SPOCK1: variants seen among roughly 807,000 people sequenced by gnomAD.
SPOCK1 encodes the protein SPARC (osteonectin), cwcv and kazal like domains proteoglycan 1.
SPOCK1 carries 23 observed loss-of-function variants against 55.3 expected under a neutral mutation model. The observed-to-expected ratio is 0.42, with a 90% CI of 0.30 to 0.59. The LOEUF is 0.59. SPOCK1 is among the 20% of genes least tolerant of loss of function. The pLI is 0.22. For synonymous variants in SPOCK1, 226 were observed against 221.0 expected, an observed-to-expected ratio of 1.02 and a Z score of -0.20; for missense variants, 499 against 552.5, an observed-to-expected ratio of 0.90 and a Z score of 0.97.
chr5:137,457,345 A>G (rs1281064935), intron 2 of SPOCK1, among the ~76,000 whole-genome samples: 2 of 152,214 alleles, frequency 1.3e-5, no homozygotes, highest in Non-Finnish European at 2.9e-5. Context: ...GTCTGAGCAG[A>G]ATACAATATT....
intron 3 of SPOCK1, among the ~76,000 whole-genome samples, chr5:137,221,214 C>A (rs964185931): frequency 1.3e-5 from 2 of 152,122 alleles, no homozygotes; most frequent in Non-Finnish European, 2.9e-5. Context: ...TCCAAAAATT[C>A]CATCTTTTAA....
intron 3 of SPOCK1, among the ~76,000 whole-genome samples, chr5:137,215,594 G>A (rs748625481): frequency 1.3e-5 from 2 of 152,192 alleles, no homozygotes; most frequent in Non-Finnish European, 1.5e-5. Context: ...AATTCCAAAT[G>A]TGTATGAGTT....
intron 5 of SPOCK1, among the ~76,000 whole-genome samples, chr5:137,079,028 G>A (rs143620003): frequency 5.6e-4 from 85 of 152,246 alleles, no homozygotes; most frequent in African/African-American, 1.7e-3. Flanking sequence ...TGCAGACCAC[G>A]CTTACTCCCC....
chr5:137,203,709 C>T (rs544380460), intron 3 of SPOCK1, among the ~76,000 whole-genome samples: 187 of 152,284 alleles, frequency 1.2e-3, no homozygotes, highest in African/African-American at 4.3e-3. Flanking sequence ...AAGTATCTCA[C>T]CAAGTCATCA....
At chr5:137,180,445 A>G (rs759477047) in intron 3 of SPOCK1, among the ~76,000 whole-genome samples, 17 of 152,142 alleles carry the variant, frequency 1.1e-4, no homozygotes, top group South Asian at 2.1e-4. Flanking sequence ...TTATTCCTCA[A>G]TGGCTCTGAG....
intron 2 of SPOCK1, among the ~76,000 whole-genome samples, chr5:137,311,774 AGTCT>A (rs1230236170): frequency 6.6e-6 from 1 of 152,062 alleles, no homozygotes. Context: ...CTGCCTAGTC[AGTCT>A]TTTTGTATAC....
chr5:137,009,968 TC>T (rs1165033478), intron 6 of SPOCK1, among the ~76,000 whole-genome samples: 2 of 152,118 alleles, frequency 1.3e-5, no homozygotes, highest in African/African-American at 4.8e-5. Context: ...TCTCTCAGAA[TC>T]CTCCTTCCTG....
chr5:137,067,189 C>G (rs1268299404), intron 6 of SPOCK1, among the ~76,000 whole-genome samples: 1 of 152,122 alleles, frequency 6.6e-6, no homozygotes, highest in Non-Finnish European at 1.5e-5. Flanking sequence ...CTTTCCTGGC[C>G]CTCTCAGCCA....
chr5:137,350,343 GTAAC>G (rs1449872130), intron 2 of SPOCK1, among the ~76,000 whole-genome samples: 4 of 152,196 alleles, frequency 2.6e-5, no homozygotes, highest in African/African-American at 9.7e-5. Context: ...CTATTACTGT[GTAAC>G]TAACTACCCC....
Position 136,977,846 on chromosome 5 carries a change from T to A in SPOCK1, c.*808A>T. The A allele has an allele frequency of 2.5e-6, 1 of 398,948 alleles. No homozygotes were observed. Among genetic ancestry groups the A allele is most frequent in the Non-Finnish European group, 4.4e-6 (1 of 226,052 alleles). The allele number at this position is 398,948 out of a possible 1,614,324, so 24.7% of individuals were successfully genotyped here. ...CAACTGTTAGTGCAAAAAAGGACTT[T>A]AATACAAATTTCTTATTCCAGAAAT... On this transcript the variant is annotated 3_prime_UTR_variant, in exon 11 of 11. Coordinates refer to ENST00000394945, the MANE Select transcript of SPOCK1 (RefSeq NM_004598.4).
intron 2 of SPOCK1, among the ~76,000 whole-genome samples, chr5:137,284,813 G>T (rs529470753): frequency 1.3e-5 from 2 of 152,134 alleles, no homozygotes; most frequent in Non-Finnish European, 2.9e-5. Flanking sequence ...TCAAAGAGGT[G>T]GCAAGTTCTG....
chr5:137,182,110 C>T (rs1410349328), intron 3 of SPOCK1, among the ~76,000 whole-genome samples: 3 of 152,096 alleles, frequency 2.0e-5, no homozygotes, highest in Non-Finnish European at 2.9e-5. Context: ...AGTGTGTAGG[C>T]TCAATCGTGC....
At chr5:137,335,887 G>A (rs528941367) in intron 2 of SPOCK1, among the ~76,000 whole-genome samples, 1 of 152,160 alleles carries the variant, frequency 6.6e-6, no homozygotes, top group African/African-American at 2.4e-5. Context: ...GGTGCCCATC[G>A]CCAATCTAGA....
chr5:136,998,578 G>T (rs1175107410), intron 6 of SPOCK1, among the ~76,000 whole-genome samples: 3 of 152,128 alleles, frequency 2.0e-5, no homozygotes, highest in Non-Finnish European at 4.4e-5. Context: ...AATATACTTG[G>T]TCCATACTCT....
chr5:137,082,386 G>C lies in SPOCK1; in HGVS notation c.475-14557C>G, dbSNP rs184632600. On this transcript the variant is annotated intron_variant, in intron 5 of 10. Transcript: ENST00000394945. ...GTCAGCTACTTGCAACAAGCTATTG[G>C]GATAAGATGCCACAAGCCTAACCAG... Among the ~76,000 whole-genome samples, 21 of 152,288 alleles carry C rather than the reference G, an allele frequency of 1.4e-4. No individual in the cohort carries two copies. In the East Asian group the frequency reaches 3.7e-3, roughly 27 times the overall value.
chr5:137,302,397 G>T (rs60630471), intron 2 of SPOCK1, among the ~76,000 whole-genome samples: 3 of 124,810 alleles, frequency 2.4e-5, no homozygotes, highest in Admixed American at 1.8e-4. Flanking sequence ...GTGAAACCCC[G>T]TCTCTACTAA....
At chr5:137,342,438 A>G (rs1750452352) in intron 2 of SPOCK1, among the ~76,000 whole-genome samples, 1 of 152,228 alleles carries the variant, frequency 6.6e-6, no homozygotes, top group African/African-American at 2.4e-5. Context: ...TAAAAAATTC[A>G]TTTGGTAGCC....
At chr5:137,434,364 TC>T (rs1430942706) in intron 2 of SPOCK1, among the ~76,000 whole-genome samples, 1 of 151,790 alleles carries the variant, frequency 6.6e-6, no homozygotes, top group East Asian at 1.9e-4. Context: ...AAATGGGGAC[TC>T]TCCTACTATT....
At chr5:136,980,162 C>G (rs1258283878) in intron 9 of SPOCK1, among the ~76,000 whole-genome samples, 1 of 140,430 alleles carries the variant, frequency 7.1e-6, no homozygotes, top group African/African-American at 2.7e-5. Context: ...GTTGCTATTA[C>G]TATCTCCCTG....
Sources: allele counts gnomAD v4.1 joint callset (sites outside exome capture counted in the v4.1 genomes callset), GRCh38; gene constraint gnomAD v4.1.1; transcripts MANE v1.5; gene names NCBI Gene and HGNC (gene_info 2026-07-23, HGNC 2026-07-21).